Variants in GOLGA6L9 observed in about 807,000 individuals in gnomAD.
GOLGA6L9 encodes golgin subfamily A member 6-like protein 9.
In GOLGA6L9, 19 loss-of-function variants were observed where a neutral mutation model predicts 51.3. That is an observed-to-expected ratio of 0.37 (90% confidence interval 0.26 to 0.54). The LOEUF (loss-of-function observed/expected upper bound fraction) is 0.54, where lower values mean the gene tolerates loss of function less well. GOLGA6L9 is among the 20% of genes least tolerant of loss of function. GOLGA6L9 has a pLI of 0.83. For synonymous variants in GOLGA6L9, 97 were observed against 184.2 expected, an observed-to-expected ratio of 0.53 and a Z score of 3.83; for missense variants, 247 against 464.1, an observed-to-expected ratio of 0.53 and a Z score of 4.30.
chr15:82,437,706 G>C lies in GOLGA6L9; in HGVS notation c.*1295G>C, dbSNP rs1188690416. On this transcript the variant is annotated 3_prime_UTR_variant, in exon 9 of 9. Coordinates refer to ENST00000618348, the MANE Select transcript of GOLGA6L9 (RefSeq NM_198181.4). The stretch of plus-strand genomic sequence containing the variant: ...TTATTATAAACTAATATATGTGAGA[G>C]TACTTAGTTGAAACAAAAAGGAGTT... The C allele has an allele frequency of 1.3e-5, 2 of 148,168 alleles. No homozygotes were observed. The highest frequency in any genetic ancestry group is 3.9e-4 in the East Asian group (2 of 5,138). The allele number at this position is 148,168 out of a possible 1,614,324, so 9.2% of individuals were successfully genotyped here.
In GOLGA6L9 at chr15:82,437,989, C is replaced by A. The variant is rs1256346360; in HGVS notation, c.*1578C>A. 10 of 150,936 alleles carry A rather than the reference C, an allele frequency of 6.6e-5. No homozygotes were observed. Among genetic ancestry groups the A allele is most frequent in the Non-Finnish European group, 1.2e-4 (8 of 67,744 alleles). The allele number at this position is 150,936 out of a possible 1,614,324, so 9.3% of individuals were successfully genotyped here. A position where few individuals can be genotyped will look rare whatever the true frequency, so the allele number is the denominator to read the frequency against. ...AAATGGACTAAAGGTCCTGTTCTTGCCTTGTCTGAACTTGCCGCTTTTGCA... is the reference window on the plus strand; with the variant it reads ...AAATGGACTAAAGGTCCTGTTCTTGACTTGTCTGAACTTGCCGCTTTTGCA... On this transcript the variant is annotated 3_prime_UTR_variant, in exon 9 of 9. Coordinates refer to ENST00000618348, the MANE Select transcript of GOLGA6L9 (RefSeq NM_198181.4).
At chr15:82,429,482 T>C (rs2031322853), upstream of GOLGA6L9, among the ~76,000 whole-genome samples, 6 of 152,152 alleles carry the variant, frequency 3.9e-5, 1 homozygote, top group Admixed American at 3.3e-4. Context: ...AAAGAGAAAT[T>C]GTTGTGATTA....
In GOLGA6L9 at chr15:82,432,532, G is replaced by A. The variant is rs1345078561; in HGVS notation, c.205-40G>A. The A allele has an allele frequency of 9.0e-5, 143 of 1,596,036 alleles. 1 individual carries two copies. The highest frequency in any genetic ancestry group is 8.0e-4 in the South Asian group (72 of 90,030). ...AAGTCAGAGGGCTTAGACAGTGAGG[G>A]GGGACAGAACATCTCCATGTGCACT... On this transcript the variant is annotated intron_variant, in intron 2 of 8. Coordinates refer to ENST00000618348, the MANE Select transcript of GOLGA6L9 (RefSeq NM_198181.4).
At chr15:82,424,145 CA>C in the GOLGA6L9 span, among the ~76,000 whole-genome samples, 2 of 150,418 alleles carry the variant, frequency 1.3e-5, no homozygotes, top group African/African-American at 4.9e-5. Context: ...GATCTCAGCT[CA>C]CTGCAACCTC....
the GOLGA6L9 span, among the ~76,000 whole-genome samples, chr15:82,416,742 A>G: frequency 6.6e-6 from 1 of 152,226 alleles, no homozygotes; most frequent in Non-Finnish European, 1.5e-5. Flanking sequence ...GTGTGATTCT[A>G]GATAGATTAC....
intron 2 of GOLGA6L9, 122 bp from the exon 3 acceptor site, chr15:82,432,450 A>T: frequency 7.2e-7 from 1 of 1,383,454 alleles, no homozygotes. Context: ...AGTTATGGGA[A>T]AAAGGTTCCA....
At chr15:82,417,025 A>G in the GOLGA6L9 span, among the ~76,000 whole-genome samples, 1 of 152,128 alleles carries the variant, frequency 6.6e-6, no homozygotes, top group Admixed American at 6.6e-5. Context: ...CCCACCGTTG[A>G]TCCTGGCGAC....
In GOLGA6L9 at chr15:82,436,436, A is replaced by T. The variant is rs1253543780; in HGVS notation, c.*25A>T. 1 of 1,532,942 alleles carries T rather than the reference A, an allele frequency of 6.5e-7. No homozygotes were observed. The highest frequency in any genetic ancestry group is 8.9e-7 in the Non-Finnish European group (1 of 1,125,252). 95.0% of individuals were successfully genotyped at this position (1,532,942 alleles called of 1,614,324 possible). On this transcript the variant is annotated 3_prime_UTR_variant, in exon 9 of 9. Coordinates refer to ENST00000618348, the MANE Select transcript of GOLGA6L9 (RefSeq NM_198181.4). ...AGAGCGGGTCAAGAAATTGAAAAAA[A>T]AAAACAAAACATTTAAGGGGTTAAT...
At position 82,436,734 on chromosome 15, in the gene GOLGA6L9, A is replaced by G. The variant is rs2031705064; in HGVS notation, c.*323A>G. On this transcript the variant is annotated 3_prime_UTR_variant, in exon 9 of 9. Transcript: ENST00000618348. ...CTTTTAGCATTTCTTTAATTTGATA[A>G]TTATAGGACGTTAGCATGCATATCG... 2 of 195,438 alleles carry G rather than the reference A, an allele frequency of 1.0e-5. No homozygotes were observed. The highest frequency in any genetic ancestry group is 1.2e-4 in the Admixed American group (2 of 17,184). The allele number at this position is 195,438 out of a possible 1,614,324, so 12.1% of individuals were successfully genotyped here.
At chr15:82,429,543 A>G (rs2031326109), upstream of GOLGA6L9, among the ~76,000 whole-genome samples, 1 of 152,184 alleles carries the variant, frequency 6.6e-6, no homozygotes, top group Non-Finnish European at 1.5e-5. Context: ...TTAATCATCA[A>G]GAATGCTATG....
chr15:82,434,379 G>C lies in GOLGA6L9; in HGVS notation c.779G>C (p.Arg260Thr). The C allele has an allele frequency of 1.3e-6, 2 of 1,528,082 alleles. No individual in the cohort carries two copies. The allele number at this position is 1,528,082 out of a possible 1,614,324, so 94.7% of individuals were successfully genotyped here. A position where few individuals can be genotyped will look rare whatever the true frequency, so the allele number is the denominator to read the frequency against. Reference protein sequence around the residue: ...EEVEKLLEQERRQEEQERLLE... With the variant: ...EEVEKLLEQETRQEEQERLLE... The stretch of plus-strand genomic sequence containing the variant: ...GTGGAGAAGCTGTTAGAACAGGAGA[G>C]GCGGCAGGAGGAGCAGGAGAGGCTG... The change falls in exon 6 of 9, where the codon AGG becomes ACG. Residue 260 changes from arginine to threonine, a missense_variant. Coordinates refer to ENST00000618348, the MANE Select transcript of GOLGA6L9 (RefSeq NM_198181.4).
upstream of GOLGA6L9, among the ~76,000 whole-genome samples, chr15:82,429,229 C>T (rs1305419012): frequency 6.6e-6 from 1 of 151,744 alleles, no homozygotes; most frequent in African/African-American, 2.4e-5. Context: ...CACCCACCAC[C>T]ACACCTGGTT....
At position 82,437,814 on chromosome 15, in the gene GOLGA6L9, A is replaced by G. The variant is rs2031756919; in HGVS notation, c.*1403A>G. 1.3e-5 allele frequency: 2 copies of G among 151,190 alleles called. No homozygotes were observed. Among genetic ancestry groups the G allele is most frequent in the Admixed American group, 6.6e-5 (1 of 15,198 alleles). 9.4% of individuals were successfully genotyped at this position (151,190 alleles called of 1,614,324 possible). ...ACGTTTACAAACTGCAGCACAATCTACTGTTCGTGAATGTCAAAGTGTCAT... is the reference window on the plus strand; with the variant it reads ...ACGTTTACAAACTGCAGCACAATCTGCTGTTCGTGAATGTCAAAGTGTCAT... On this transcript the variant is annotated 3_prime_UTR_variant, in exon 9 of 9. Transcript: ENST00000618348.
chr15:82,432,873 A>G lies in GOLGA6L9; in HGVS notation c.321A>G (p.Gln107=). The G allele has an allele frequency of 1.2e-6, 2 of 1,612,152 alleles. No individual in the cohort carries two copies. The highest frequency in any genetic ancestry group is 1.7e-5 in the Admixed American group (1 of 59,968). ...ALDSSSAIIS[Q]LTENINSLVR... is the part of the protein sequence containing the mutation. ...ATTCAAGCTCCGCAATAATCAGTCAACTCACTGAAAACATCAATTCACTGG... is the reference window on the plus strand; with the variant it reads ...ATTCAAGCTCCGCAATAATCAGTCAGCTCACTGAAAACATCAATTCACTGG... Residue 107 remains glutamine (Q), a synonymous_variant, in exon 4 of 9, where the codon CAA becomes CAG. Transcript: ENST00000618348.
At chr15:82,433,892 G>A (rs2031528815) in intron 5 of GOLGA6L9, 142 bp from the exon 6 acceptor site, 2 of 1,198,778 alleles carry the variant, frequency 1.7e-6, no homozygotes, top group African/African-American at 1.9e-5. Context: ...TTGGAAGATT[G>A]TCTACCATCC....
the GOLGA6L9 span, among the ~76,000 whole-genome samples, chr15:82,418,371 C>T: frequency 1.3e-5 from 2 of 152,068 alleles, no homozygotes; most frequent in South Asian, 2.1e-4. Context: ...GTGGGCAGAG[C>T]CCCGGAGGAC....
In GOLGA6L9 at chr15:82,438,210, T is replaced by TA. The variant is rs2031781765; in HGVS notation, c.*1800dup. On this transcript the variant is annotated 3_prime_UTR_variant, in exon 9 of 9. Coordinates refer to ENST00000618348, the MANE Select transcript of GOLGA6L9 (RefSeq NM_198181.4). The stretch of plus-strand genomic sequence containing the variant: ...ATCGCTTCACTTTTACCCTGACACG[T>TA]ATAAATGACTAGGAATGACCTTCAG... 1 of 148,314 alleles carries TA rather than the reference T, an allele frequency of 6.7e-6. No individual in the cohort carries two copies. The highest frequency in any genetic ancestry group is 1.5e-5 in the Non-Finnish European group (1 of 66,954). 9.2% of individuals were successfully genotyped at this position (148,314 alleles called of 1,614,324 possible). A position where few individuals can be genotyped will look rare whatever the true frequency, so the allele number is the denominator to read the frequency against.
the GOLGA6L9 span, chr15:82,416,020 G>A: frequency 2.6e-5 from 4 of 152,134 alleles, no homozygotes; most frequent in African/African-American, 9.7e-5. Context: ...GAAAAGCTAA[G>A]CATGGACTTA....
At chr15:82,429,651 C>G (rs1312330988), upstream of GOLGA6L9, among the ~76,000 whole-genome samples, 1 of 152,270 alleles carries the variant, frequency 6.6e-6, no homozygotes, top group East Asian at 1.9e-4. Context: ...AAATCATAGA[C>G]TTTGCATAGA....
Sources: gnomAD v4.1 joint callset for allele counts (sites outside exome capture counted in the v4.1 genomes callset) on GRCh38, gnomAD v4.1.1 for gene constraint, MANE v1.5 for transcripts, NCBI Gene and HGNC (gene_info 2026-07-23, HGNC 2026-07-21) for gene names.